LOC128092253: variants seen among roughly 807,000 people sequenced by gnomAD.
At chr6:133,972,456 C>T in the LOC128092253 span, among the ~76,000 whole-genome samples, 3 of 152,172 alleles carry the variant, frequency 2.0e-5, no homozygotes, top group African/African-American at 7.2e-5. Flanking sequence ...GGTAGTGCCT[C>T]TTTGGGCTTG....
chr6:133,957,467 T>G, the LOC128092253 span, among the ~76,000 whole-genome samples: 1 of 152,236 alleles, frequency 6.6e-6, no homozygotes, highest in Non-Finnish European at 1.5e-5. Flanking sequence ...AGGTGAGAAC[T>G]TAAGTCTTAC....
At chr6:133,963,395 T>G in the LOC128092253 span, among the ~76,000 whole-genome samples, 18 of 152,186 alleles carry the variant, frequency 1.2e-4, no homozygotes, top group African/African-American at 4.3e-4. Context: ...ATCTTCATAG[T>G]TATTATCTTG....
the LOC128092253 span, among the ~76,000 whole-genome samples, chr6:133,958,827 A>G: frequency 3.3e-5 from 5 of 152,154 alleles, no homozygotes; most frequent in African/African-American, 1.2e-4. Context: ...GTAAAGTGTT[A>G]TAATTCCTTC....
At chr6:133,960,192 G>A in the LOC128092253 span, among the ~76,000 whole-genome samples, 1 of 152,104 alleles carries the variant, frequency 6.6e-6, no homozygotes, top group South Asian at 2.1e-4. Flanking sequence ...GTGGTTGCAG[G>A]GATCACAGAC....
the LOC128092253 span, among the ~76,000 whole-genome samples, chr6:133,974,963 G>T: frequency 0.42 from 63,050 of 151,926 alleles, 14,999 homozygotes; most frequent in Non-Finnish European, 0.57. Context: ...CTAAGACACT[G>T]GGTTATAATT....
the LOC128092253 span, among the ~76,000 whole-genome samples, chr6:133,956,150 T>G: frequency 6.6e-6 from 1 of 152,222 alleles, no homozygotes; most frequent in African/African-American, 2.4e-5. Flanking sequence ...GACCATGTGA[T>G]GAAATTATTG....
chr6:133,978,130 T>C, the LOC128092253 span, among the ~76,000 whole-genome samples: 1 of 152,098 alleles, frequency 6.6e-6, no homozygotes, highest in Admixed American at 6.6e-5. Context: ...GTGGAATGGA[T>C]GTTGGGGTAA....
At chr6:133,960,037 C>G in the LOC128092253 span, among the ~76,000 whole-genome samples, 4 of 152,126 alleles carry the variant, frequency 2.6e-5, no homozygotes, top group African/African-American at 7.2e-5. Flanking sequence ...AGCGTTTTTC[C>G]TCTCACCTAC....
At chr6:133,957,907 G>T in the LOC128092253 span, among the ~76,000 whole-genome samples, 2 of 152,242 alleles carry the variant, frequency 1.3e-5, no homozygotes, top group African/African-American at 2.4e-5. Flanking sequence ...AAGGTGAACT[G>T]TTGGACCACT....
the LOC128092253 span, among the ~76,000 whole-genome samples, chr6:133,957,981 C>T: frequency 1.3e-5 from 2 of 152,162 alleles, no homozygotes; most frequent in Non-Finnish European, 2.9e-5. Context: ...TTCTTTCTTT[C>T]TGTTCACTGA....
the LOC128092253 span, among the ~76,000 whole-genome samples, chr6:133,977,929 TAG>T: frequency 6.6e-6 from 1 of 152,182 alleles, no homozygotes; most frequent in East Asian, 1.9e-4. Flanking sequence ...CTTGCTGGCT[TAG>T]TTGGTTGCTC....
chr6:133,973,956 CAT>C, the LOC128092253 span, among the ~76,000 whole-genome samples: 5 of 142,410 alleles, frequency 3.5e-5, no homozygotes, highest in Non-Finnish European at 6.1e-5. Flanking sequence ...TTAAACCTAA[CAT>C]ATATATATAT....
At chr6:133,976,771 G>A in the LOC128092253 span, among the ~76,000 whole-genome samples, 2 of 152,100 alleles carry the variant, frequency 1.3e-5, no homozygotes, top group Non-Finnish European at 2.9e-5. Context: ...AGTGGCTCAC[G>A]AAGTCAAGAG....
chr6:133,972,384 AT>A, the LOC128092253 span, among the ~76,000 whole-genome samples: 1 of 152,226 alleles, frequency 6.6e-6, no homozygotes, highest in Non-Finnish European at 1.5e-5. Context: ...TTATACAGAC[AT>A]TTTGTCATTT....
the LOC128092253 span, among the ~76,000 whole-genome samples, chr6:133,963,738 C>T: frequency 8.0e-5 from 12 of 150,930 alleles, no homozygotes; most frequent in Admixed American, 1.3e-4. Context: ...TTTTCTTGAT[C>T]GTTAAGAACC....
At chr6:133,970,614 CTT>C in the LOC128092253 span, among the ~76,000 whole-genome samples, 9 of 142,554 alleles carry the variant, frequency 6.3e-5, no homozygotes, top group Non-Finnish European at 3.1e-5. Context: ...TTTGTTTTTG[CTT>C]TTTTTTTTTT....
chr6:133,964,197 T>G, the LOC128092253 span, among the ~76,000 whole-genome samples: 1 of 152,172 alleles, frequency 6.6e-6, no homozygotes, highest in African/African-American at 2.4e-5. Context: ...ATTTCAGGTT[T>G]TAAAAATGTA....
chr6:133,954,561 A>C, the LOC128092253 span, among the ~76,000 whole-genome samples: 1 of 152,370 alleles, frequency 6.6e-6, no homozygotes, highest in South Asian at 2.1e-4. Flanking sequence ...TAATGGTTTT[A>C]TACTTTACAA....
the LOC128092253 span, among the ~76,000 whole-genome samples, chr6:133,974,157 CATT>C: frequency 3.7e-4 from 56 of 152,226 alleles, no homozygotes; most frequent in African/African-American, 1.2e-3. Context: ...CTCTGGCAAA[CATT>C]ATGGACCTCT....
Sources: gnomAD v4.1 joint callset for allele counts (sites outside exome capture counted in the v4.1 genomes callset) on GRCh38, gnomAD v4.1.1 for gene constraint, MANE v1.5 for transcripts.